NCAM1: variants seen among roughly 807,000 people sequenced by gnomAD.
NCAM1 encodes the protein neural cell adhesion molecule 1.
NCAM1 carries 14 observed loss-of-function variants against 109.8 expected under a neutral mutation model. The ratio of observed to expected loss-of-function variants is 0.13; its 90% CI spans 0.08 to 0.20. NCAM1 has a LOEUF of 0.20. Ranked by LOEUF, NCAM1 falls within the 10% of genes least tolerant of loss-of-function variation. The pLI, the probability that NCAM1 is intolerant of heterozygous loss-of-function variation, is 1.00. For missense variants in NCAM1, 774 were observed against 1,109.9 expected (o/e 0.70, Z 4.30); for synonymous variants, 418 against 442.9 (o/e 0.94, Z 0.70).
At chr11:112,968,469 T>C (rs1950784727) in intron 1 of NCAM1, among the ~76,000 whole-genome samples, 2 of 152,360 alleles carry the variant, frequency 1.3e-5, no homozygotes, top group South Asian at 2.1e-4. Context: ...CCAATAATTA[T>C]ATCTTAATCA....
At chr11:112,997,280 A>G (rs1431759816) in intron 1 of NCAM1, among the ~76,000 whole-genome samples, 2 of 152,210 alleles carry the variant, frequency 1.3e-5, no homozygotes, top group Non-Finnish European at 2.9e-5. Context: ...TATTTCCACC[A>G]AAGTCAAACA....
intron 1 of NCAM1, among the ~76,000 whole-genome samples, chr11:112,974,502 C>A (rs2134584581): frequency 6.6e-6 from 1 of 152,144 alleles, no homozygotes; most frequent in South Asian, 2.1e-4. Context: ...TGAGTACTTA[C>A]ATTTTCTTTT....
intron 1 of NCAM1, among the ~76,000 whole-genome samples, chr11:113,158,189 T>C (rs1435238447): frequency 2.0e-5 from 3 of 152,204 alleles, no homozygotes; most frequent in African/African-American, 7.2e-5. Flanking sequence ...TTGGTAGATA[T>C]GAGTTTCCAA....
chr11:113,143,849 G>A lies in NCAM1; in HGVS notation c.53-58530G>A, dbSNP rs1412433117. On this transcript the variant is annotated intron_variant, in intron 1 of 19. Coordinates refer to ENST00000316851, the MANE Select transcript of NCAM1 (RefSeq NM_181351.5). ...TGTCTTATTTGCGGCATGGCATTGT[G>A]TGTATTCGTTGCGCTGTGGAAGTAG... Among the ~76,000 whole-genome samples, 4 of 152,166 alleles carry A rather than the reference G, an allele frequency of 2.6e-5. No individual in the cohort carries two copies. The East Asian group carries it at 7.7e-4, about 29-fold the overall frequency.
At chr11:113,088,274 A>C (rs1486213472) in intron 1 of NCAM1, among the ~76,000 whole-genome samples, 1 of 152,214 alleles carries the variant, frequency 6.6e-6, no homozygotes, top group Non-Finnish European at 1.5e-5. Context: ...TTCACAAAGG[A>C]ATTATATATA....
chr11:113,139,485 C>T (rs77047213), intron 1 of NCAM1, among the ~76,000 whole-genome samples: 1,884 of 151,948 alleles, frequency 0.012, 35 homozygotes, highest in African/African-American at 0.043. Flanking sequence ...TATTCTTTTT[C>T]GTCCTGTCAA....
chr11:113,103,623 C>T (rs553211262), intron 1 of NCAM1, among the ~76,000 whole-genome samples: 2 of 152,272 alleles, frequency 1.3e-5, no homozygotes, highest in South Asian at 2.1e-4. Flanking sequence ...ATCACTGGCT[C>T]TCTTTCTTTG....
chr11:113,258,086 C>A (rs937632574), intron 16 of NCAM1, among the ~76,000 whole-genome samples: 26 of 152,368 alleles, frequency 1.7e-4, no homozygotes, highest in African/African-American at 6.3e-4. Flanking sequence ...ACAACAGTTA[C>A]TAGACCACTG....
intron 1 of NCAM1, among the ~76,000 whole-genome samples, chr11:113,000,891 G>C (rs1448996203): frequency 6.8e-6 from 1 of 147,776 alleles, no homozygotes; most frequent in African/African-American, 2.6e-5. Flanking sequence ...GTATGTATGT[G>C]TACGTGTATA....
intron 1 of NCAM1, among the ~76,000 whole-genome samples, chr11:112,999,169 G>A (rs1951678400): frequency 6.6e-6 from 1 of 152,176 alleles, no homozygotes; most frequent in Non-Finnish European, 1.5e-5. Context: ...GCCTCCCTCT[G>A]ATATTGTATG....
intron 3 of NCAM1, among the ~76,000 whole-genome samples, chr11:113,205,068 T>G (rs1944194948): frequency 6.6e-6 from 1 of 152,202 alleles, no homozygotes; most frequent in African/African-American, 2.4e-5. Context: ...TTTTTTCCTG[T>G]TCTTTTCATC....
chr11:113,246,093 T>A, intron 14 of NCAM1: 1 of 517,684 alleles, frequency 1.9e-6, no homozygotes, highest in Non-Finnish European at 3.4e-6. Flanking sequence ...ATGCTCTTTA[T>A]GATTTATTAT....
intron 1 of NCAM1, among the ~76,000 whole-genome samples, chr11:113,085,597 T>C (rs1939045286): frequency 6.6e-6 from 1 of 152,204 alleles, no homozygotes; most frequent in South Asian, 2.1e-4. Flanking sequence ...TCTCTTCCCT[T>C]CACCAGGCAG....
intron 1 of NCAM1, among the ~76,000 whole-genome samples, chr11:113,037,409 C>G (rs782375855): frequency 1.2e-4 from 18 of 152,082 alleles, no homozygotes; most frequent in Non-Finnish European, 4.4e-5. Flanking sequence ...TTGCCATTGT[C>G]CCTCCTCTCG....
intron 1 of NCAM1, among the ~76,000 whole-genome samples, chr11:113,082,778 T>C (rs1938894341): frequency 6.6e-6 from 1 of 152,190 alleles, no homozygotes; most frequent in African/African-American, 2.4e-5. Flanking sequence ...AGAGCTTAAT[T>C]TATTCAGCAA....
At chr11:113,061,765 G>T (rs782179885) in intron 1 of NCAM1, among the ~76,000 whole-genome samples, 1 of 152,216 alleles carries the variant, frequency 6.6e-6, no homozygotes, top group Non-Finnish European at 1.5e-5. Flanking sequence ...ATTGGCCCAT[G>T]ACAATTAGTA....
intron 9 of NCAM1, 140 bp from the exon 10 acceptor site, chr11:113,231,505 G>T: frequency 1.0e-6 from 1 of 971,062 alleles, no homozygotes; most frequent in South Asian, 1.6e-5. Context: ...GAAAGCCATT[G>T]ACACAGAGAG....
chr11:113,140,524 G>T (rs782755375), intron 1 of NCAM1, among the ~76,000 whole-genome samples: 2 of 152,192 alleles, frequency 1.3e-5, no homozygotes, highest in African/African-American at 4.8e-5. Context: ...CTGATGGTCA[G>T]CTGTAAACCT....
chr11:113,249,493 C>T (rs1945596364), intron 15 of NCAM1, among the ~76,000 whole-genome samples: 1 of 152,156 alleles, frequency 6.6e-6, no homozygotes, highest in Non-Finnish European at 1.5e-5. Flanking sequence ...CCCTTAGGGT[C>T]ACCAGTATGG....
Sources: gnomAD v4.1 joint callset for allele counts (sites outside exome capture counted in the v4.1 genomes callset) on GRCh38, gnomAD v4.1.1 for gene constraint, MANE v1.5 for transcripts, NCBI Gene and HGNC (gene_info 2026-07-23, HGNC 2026-07-21) for gene names.